The following VPS13B variants were observed in gnomAD, a reference collection of about 807,000 sequenced individuals.
The protein encoded by VPS13B is intermembrane lipid transfer protein VPS13B.
Under a neutral mutation model 426.4 loss-of-function variants are expected in VPS13B, and 285 were observed. The ratio of observed to expected loss-of-function variants is 0.67; its 90% confidence interval spans 0.61 to 0.74. The LOEUF is 0.74. Among genes scored for constraint, VPS13B ranks in the 30% least tolerant of loss-of-function variants. The probability of loss-of-function intolerance (pLI) is 0.00; values close to 1 mark genes in which losing one functional copy is unlikely to be tolerated. For missense variants in VPS13B, 4,537 were observed against 4,782.6 expected (o/e 0.95, Z 1.51); for synonymous variants, 1,676 against 1,676.4 (o/e 1.00, Z 0.01).
chr8:99,209,767 T>C (rs950377495), intron 17 of VPS13B: 1 of 920,168 alleles, frequency 1.1e-6, no homozygotes, highest in Admixed American at 6.2e-5. Flanking sequence ...ATGGCTCACA[T>C]ATTAAATATT....
intron 33 of VPS13B, among the ~76,000 whole-genome samples, chr8:99,627,104 G>A (rs1004600333): frequency 2.6e-5 from 4 of 152,144 alleles, no homozygotes; most frequent in Admixed American, 1.3e-4. Context: ...ATTACCCCAG[G>A]CTAGAGGGTA....
chr8:99,334,553 T>C (rs925510614), intron 19 of VPS13B, among the ~76,000 whole-genome samples: 9 of 152,288 alleles, frequency 5.9e-5, no homozygotes, highest in African/African-American at 2.2e-4. Flanking sequence ...ATTGAGAGTT[T>C]TTAGCGTGAA....
intron 19 of VPS13B, among the ~76,000 whole-genome samples, chr8:99,327,387 A>G (rs371633255): frequency 3.1e-4 from 47 of 152,348 alleles, no homozygotes; most frequent in African/African-American, 1.0e-3. Context: ...AATAATTAAT[A>G]TAGGTAGCCA....
chr8:99,851,340 G>C (rs1002709065), intron 55 of VPS13B, among the ~76,000 whole-genome samples: 2 of 152,172 alleles, frequency 1.3e-5, no homozygotes, highest in Non-Finnish European at 2.9e-5. Context: ...CCCTAGAGAA[G>C]ATGACTTTCT....
chr8:99,655,760 A>G (rs1204121613), intron 34 of VPS13B, among the ~76,000 whole-genome samples: 1 of 152,224 alleles, frequency 6.6e-6, no homozygotes, highest in African/African-American at 2.4e-5. Context: ...GAAGAAAAGA[A>G]GTGAATTCAA....
Position 99,193,012 on chromosome 8 carries a change from T to G in VPS13B, c.2470T>G (p.Ser824Ala), listed in dbSNP as rs149866274. 1.4e-4 allele frequency: 225 copies of G among 1,613,764 alleles called. No homozygotes were observed. Among genetic ancestry groups the G allele is most frequent in the Middle Eastern group, 5.0e-4 (3 of 6,056 alleles). ...SWSHLGNVSS[S>A]AVIEALINEI... ...GTCTCATCTTGGAAATGTCAGCTCT[T>G]CCGCAGTGATTGAAGCTTTGATAAA... Residue 824 changes from serine (S) to alanine (A), a missense_variant, in exon 17 of 62, where the codon TCC (serine) becomes GCC (alanine). By Grantham distance (99) the Ser-to-Ala change is moderately conservative. Around this residue, in one of 2 missense-constraint regions of VPS13B, gnomAD observed 4,311 missense variants for 4,474.3 expected, o/e 0.96. Transcript: ENST00000357162.
chr8:99,084,885 A>G (rs1034659107), intron 3 of VPS13B, among the ~76,000 whole-genome samples: 3 of 152,154 alleles, frequency 2.0e-5, no homozygotes, highest in African/African-American at 7.2e-5. Context: ...TATGTGATCA[A>G]TTTTGGAATA....
At chr8:99,112,832 C>G (rs1195936105) in intron 6 of VPS13B, among the ~76,000 whole-genome samples, 1 of 152,030 alleles carries the variant, frequency 6.6e-6, no homozygotes, top group Non-Finnish European at 1.5e-5. Context: ...TGAGGAAAAA[C>G]TTAGTGTTGG....
Position 99,630,544 on chromosome 8 carries a change from G to A in VPS13B, c.5221-11267G>A, listed in dbSNP as rs540638079. On this transcript the variant is annotated intron_variant, in intron 33 of 61. Transcript: ENST00000357162. ...ACTCCCCTACCCAGGAATCTAATGAGCACCTTGCAAATGATTCCCTTCATT... is the reference window on the plus strand; with the variant it reads ...ACTCCCCTACCCAGGAATCTAATGAACACCTTGCAAATGATTCCCTTCATT... 5.9e-4 allele frequency among the ~76,000 whole-genome samples: 89 copies of A among 151,974 alleles called. 1 individual carries two copies. Among genetic ancestry groups the A allele is most frequent in the Middle Eastern group, 3.4e-3 (1 of 294 alleles).
chr8:99,017,411 T>G (rs774588500), intron 2 of VPS13B, among the ~76,000 whole-genome samples: 1 of 152,218 alleles, frequency 6.6e-6, no homozygotes, highest in Non-Finnish European at 1.5e-5. Context: ...GGTATCTCAG[T>G]GTAATTAGTA....
At chr8:99,139,619 A>G (rs1216941735) in intron 12 of VPS13B, among the ~76,000 whole-genome samples, 1 of 151,576 alleles carries the variant, frequency 6.6e-6, no homozygotes, top group African/African-American at 2.4e-5. Flanking sequence ...TTGTATTTTT[A>G]ATAGAGACAG....
chr8:99,013,887 A>G lies in VPS13B; in HGVS notation c.99A>G (p.Gly33=), dbSNP rs775498611. The G allele has an allele frequency of 4.3e-6, 7 of 1,614,020 alleles. No individual in the cohort carries two copies. In the African/African-American group the frequency reaches 9.3e-5, roughly 22 times the overall value. The part of the protein sequence containing the change: ...PSDLQLSLWG[G]DVVLSKLELK... The stretch of plus-strand genomic sequence containing the variant: ...ATCTACAGCTTTCACTATGGGGTGG[A>G]GACGTGGTACTCAGCAAGCTCGAGT... The change falls in exon 2 of 62, where the codon GGA becomes GGG. Residue 33 remains glycine (G), a synonymous_variant. Coordinates refer to ENST00000357162, the MANE Select transcript of VPS13B (RefSeq NM_152564.5).
chr8:99,821,048 G>GT (rs1440181360), intron 49 of VPS13B, among the ~76,000 whole-genome samples: 1 of 101,940 alleles, frequency 9.8e-6, no homozygotes, highest in Admixed American at 1.2e-4. Context: ...TCCATTGTGA[G>GT]TAAAAAAAAA....
At chr8:99,194,911 T>C (rs996349382) in intron 17 of VPS13B, among the ~76,000 whole-genome samples, 1 of 152,174 alleles carries the variant, frequency 6.6e-6, no homozygotes, top group Non-Finnish European at 1.5e-5. Context: ...AGTGGCGCGA[T>C]CTCGGCTCAC....
intron 21 of VPS13B, among the ~76,000 whole-genome samples, chr8:99,425,948 T>C (rs34237216): frequency 6.6e-6 from 1 of 151,678 alleles, no homozygotes; most frequent in Admixed American, 6.6e-5. Context: ...TTTAGGGTAC[T>C]TGTGCACATT....
chr8:99,801,284 TC>T (rs1813106773), intron 43 of VPS13B, among the ~76,000 whole-genome samples: 1 of 152,202 alleles, frequency 6.6e-6, no homozygotes, highest in African/African-American at 2.4e-5. Flanking sequence ...ATTCAGTGAC[TC>T]CATTTGGGTT....
intron 35 of VPS13B, among the ~76,000 whole-genome samples, chr8:99,684,619 T>C (rs1162423561): frequency 6.6e-6 from 1 of 152,222 alleles, no homozygotes; most frequent in Admixed American, 6.5e-5. Context: ...TGTTACCATA[T>C]ACTTTTCAAA....
chr8:99,366,188 C>CG (rs1812877659), intron 19 of VPS13B, among the ~76,000 whole-genome samples: 1 of 151,982 alleles, frequency 6.6e-6, no homozygotes, highest in Admixed American at 6.5e-5. Context: ...TGCTGAAAGT[C>CG]GGGTGTTGAA....
intron 34 of VPS13B, among the ~76,000 whole-genome samples, chr8:99,658,771 A>C (rs1272681051): frequency 6.6e-6 from 1 of 152,116 alleles, no homozygotes; most frequent in Non-Finnish European, 1.5e-5. Flanking sequence ...CTACCAATAC[A>C]GGCATTATCG....
Sources: gnomAD v4.1 joint callset for allele counts (sites outside exome capture counted in the v4.1 genomes callset) on GRCh38, gnomAD v4.1.1 for gene constraint, gnomAD v4.1.1 regional missense constraint, MANE v1.5 for transcripts, NCBI Gene and HGNC (gene_info 2026-07-23, HGNC 2026-07-21) for gene names.